Variants in HMBOX1 observed in about 807,000 individuals in gnomAD.
HMBOX1 encodes homeobox-containing protein 1.
In HMBOX1, 14 loss-of-function variants were observed where a neutral mutation model predicts 54.5. That is an observed-to-expected ratio of 0.26 (90% CI 0.17 to 0.40). The LOEUF (loss-of-function observed/expected upper bound fraction) is 0.40. HMBOX1 is among the 10% of genes least tolerant of loss of function. The probability of loss-of-function intolerance (pLI) is 1.00; values close to 1 mark genes in which losing one functional copy is unlikely to be tolerated. For missense variants in HMBOX1, 332 were observed against 514.4 expected (o/e 0.65, Z 3.43); for synonymous variants, 160 against 181.0 (o/e 0.88, Z 0.93).
intron 1 of HMBOX1, among the ~76,000 whole-genome samples, chr8:28,956,598 A>G (rs966281192): frequency 6.6e-6 from 1 of 152,064 alleles, no homozygotes; most frequent in East Asian, 1.9e-4. Flanking sequence ...TTAAAATGTA[A>G]CCTTTGATAG....
At chr8:28,998,140 T>C (rs1271990915) in intron 4 of HMBOX1, among the ~76,000 whole-genome samples, 1 of 152,236 alleles carries the variant, frequency 6.6e-6, no homozygotes, top group Non-Finnish European at 1.5e-5. Context: ...TCAGTAGTTT[T>C]TTCCTACAAT....
At chr8:28,981,888 A>G (rs1829395494) in intron 4 of HMBOX1, among the ~76,000 whole-genome samples, 1 of 152,194 alleles carries the variant, frequency 6.6e-6, no homozygotes, top group Non-Finnish European at 1.5e-5. Flanking sequence ...TGTTCAAAAT[A>G]TAGTACATGG....
intron 1 of HMBOX1, among the ~76,000 whole-genome samples, chr8:28,901,477 C>G (rs1056734432): frequency 6.6e-6 from 1 of 152,090 alleles, no homozygotes; most frequent in African/African-American, 2.4e-5. Flanking sequence ...TGTCAGTGAT[C>G]TGCTGATTCT....
chr8:29,048,661 T>C (rs1805972293), intron 8 of HMBOX1: 1 of 289,116 alleles, frequency 3.5e-6, no homozygotes, highest in Admixed American at 4.4e-5. Flanking sequence ...ACAGTTCTCA[T>C]ATGCTCTATA....
At chr8:28,895,273 A>G (rs771223260) in intron 1 of HMBOX1, among the ~76,000 whole-genome samples, 36 of 152,268 alleles carry the variant, frequency 2.4e-4, no homozygotes, top group Non-Finnish European at 4.7e-4. Flanking sequence ...GCCAAGTGGC[A>G]GTAACTTTAA....
intron 1 of HMBOX1, among the ~76,000 whole-genome samples, chr8:28,921,427 A>T (rs949554779): frequency 6.6e-6 from 1 of 152,224 alleles, no homozygotes; most frequent in Admixed American, 6.5e-5. Flanking sequence ...TTAGTTTGTC[A>T]TGTAGTGAAT....
chr8:28,982,629 A>G (rs1022395209), intron 4 of HMBOX1, among the ~76,000 whole-genome samples: 4 of 145,820 alleles, frequency 2.7e-5, no homozygotes, highest in East Asian at 2.0e-4. Context: ...TTTATTTTTT[A>G]CTTTTTTTTT....
At chr8:29,001,073 C>T (rs1832563789) in intron 4 of HMBOX1, among the ~76,000 whole-genome samples, 1 of 152,132 alleles carries the variant, frequency 6.6e-6, no homozygotes, top group Admixed American at 6.5e-5. Flanking sequence ...ACTGATGTCA[C>T]TCCAATTCAA....
chr8:28,891,893 AT>A (rs754435633), intron 1 of HMBOX1: 6 of 152,254 alleles, frequency 3.9e-5, no homozygotes, highest in Non-Finnish European at 8.8e-5. Context: ...CTTAAAAAAA[AT>A]CACCCATGTA....
intron 4 of HMBOX1, among the ~76,000 whole-genome samples, chr8:29,008,545 A>T (rs1166309366): frequency 6.6e-6 from 1 of 152,162 alleles, no homozygotes; most frequent in African/African-American, 2.4e-5. Flanking sequence ...GGCTAAATGA[A>T]TTAACAAATA....
intron 4 of HMBOX1, 71 bp downstream of exon 4, chr8:28,980,227 T>C (rs1829114072): frequency 8.9e-7 from 1 of 1,125,834 alleles, no homozygotes; most frequent in Non-Finnish European, 1.4e-6. Context: ...TGTTGGAATA[T>C]TGCTTGCATT....
At chr8:29,014,216 A>G (rs1834653670) in intron 5 of HMBOX1, among the ~76,000 whole-genome samples, 1 of 151,938 alleles carries the variant, frequency 6.6e-6, no homozygotes, top group Non-Finnish European at 1.5e-5. Flanking sequence ...TCATGGGTTT[A>G]GATTTGCTAG....
intron 4 of HMBOX1, among the ~76,000 whole-genome samples, chr8:28,996,166 G>C (rs1831795934): frequency 6.6e-6 from 1 of 151,716 alleles, no homozygotes; most frequent in Non-Finnish European, 1.5e-5. Flanking sequence ...TTTTTATATT[G>C]AAGTGTTAAG....
At position 28,911,513 on chromosome 8, in the gene HMBOX1, GC is replaced by G. The variant is rs1163564267; in HGVS notation, c.-58+20838del. Among the ~76,000 whole-genome samples the G allele has an allele frequency of 5.3e-5, 8 of 152,156 alleles. No individual in the cohort carries two copies. In the East Asian group the frequency reaches 1.2e-3, roughly 22 times the overall value. On this transcript the variant is annotated intron_variant, in intron 1 of 9. Coordinates refer to ENST00000287701, the MANE Select transcript of HMBOX1 (RefSeq NM_001135726.3). Reference sequence around the variant, plus strand: ...TAGGATTACAAGTGCCTGCCACCATGCCCTGCTAATTTTTGTATTTTTAGTA... The same window carrying G: ...TAGGATTACAAGTGCCTGCCACCATGCCTGCTAATTTTTGTATTTTTAGTA...
At chr8:28,898,649 C>T (rs1179739476) in intron 1 of HMBOX1, among the ~76,000 whole-genome samples, 1 of 152,168 alleles carries the variant, frequency 6.6e-6, no homozygotes, top group Non-Finnish European at 1.5e-5. Context: ...TCACTTCTCC[C>T]TTCCAGTTCT....
In HMBOX1 at chr8:28,900,271, A is replaced by AAT. The variant is rs1554519263; in HGVS notation, c.-58+9612_-58+9613dup. Among the ~76,000 whole-genome samples, 392 of 70,328 alleles carry AAT rather than the reference A, an allele frequency of 5.6e-3. 3 individuals are homozygous for AAT. The highest frequency in any genetic ancestry group is 0.011 in the South Asian group (20 of 1,826). The allele number at this position is 70,328 out of a possible 152,430, so 46.1% of individuals were successfully genotyped here. A position where few individuals can be genotyped will look rare whatever the true frequency, so the allele number is the denominator to read the frequency against. ...TTCCGTCTCAAAAAAAAAAAAAAAAAATATATATATATATATATATTTTGT... is the reference window on the plus strand; with the variant it reads ...TTCCGTCTCAAAAAAAAAAAAAAAAAATATATATATATATATATATATTTTGT... On this transcript the variant is annotated intron_variant, in intron 1 of 9. Transcript: ENST00000287701.
rs552097834 is a variant in HMBOX1, at chr8:28,961,004, C to T, written c.-57-2807C>T. ...GTTTCACCATGTTGGCCAGGATGGT[C>T]TCGATCTCTTGACCTCATGATCTGT... On this transcript the variant is annotated intron_variant, in intron 1 of 9. Coordinates refer to ENST00000287701, the MANE Select transcript of HMBOX1 (RefSeq NM_001135726.3). 2.0e-5 allele frequency among the ~76,000 whole-genome samples: 3 copies of T among 151,740 alleles called. No homozygotes were observed. The South Asian group carries it at 6.3e-4, about 32-fold the overall frequency.
chr8:29,037,674 T>C (rs543228121), intron 6 of HMBOX1, among the ~76,000 whole-genome samples: 11 of 152,340 alleles, frequency 7.2e-5, no homozygotes, highest in South Asian at 6.2e-4. Flanking sequence ...ATGATTTTCA[T>C]TGACTAAATC....
Position 29,018,769 on chromosome 8 carries a change from T to G in HMBOX1, c.707T>G (p.Leu236Arg). 6.2e-7 allele frequency: 1 copy of G among 1,613,588 alleles called. No homozygotes were observed. Among genetic ancestry groups the G allele is most frequent in the East Asian group, 2.2e-5 (1 of 44,878 alleles). Residue 236 changes from leucine to arginine, a missense_variant, in exon 6 of 10, where the codon CTA becomes CGA. Around this residue, in one of 4 missense-constraint regions of HMBOX1, gnomAD observed 117 missense variants for 220.0 expected, o/e 0.53. Coordinates refer to ENST00000287701, the MANE Select transcript of HMBOX1 (RefSeq NM_001135726.3). ...QLEKTNPGATLSMRPAPIPIE... is the reference protein window; with the variant it reads ...QLEKTNPGATRSMRPAPIPIE... The stretch of plus-strand genomic sequence containing the variant: ...GTCTTGTTTATTTCAGGCGCTACAC[T>G]AAGTATGAGACCAGCCCCCATTCCA...
Sources: gnomAD v4.1 joint callset for allele counts (sites outside exome capture counted in the v4.1 genomes callset) on GRCh38, gnomAD v4.1.1 for gene constraint, gnomAD v4.1.1 regional missense constraint, MANE v1.5 for transcripts, NCBI Gene and HGNC (gene_info 2026-07-23, HGNC 2026-07-21) for gene names.